Variants in B3GLCT observed in about 807,000 individuals in gnomAD.
B3GLCT encodes beta 3-glucosyltransferase.
A neutral mutation model predicts 63.4 loss-of-function variants in B3GLCT; 65 were observed. That is an observed-to-expected ratio of 1.03 (90% confidence interval 0.84 to 1.26). The LOEUF (loss-of-function observed/expected upper bound fraction) is 1.26, where lower values mean the gene tolerates loss of function less well. B3GLCT is among the 50% of genes most tolerant of loss of function. The pLI, the probability that B3GLCT is intolerant of heterozygous loss-of-function variation, is 0.00. For missense variants in B3GLCT, 577 were observed against 604.8 expected (o/e 0.95, Z 0.48); for synonymous variants, 233 against 219.2 (o/e 1.06, Z -0.55).
intron 12 of B3GLCT, among the ~76,000 whole-genome samples, chr13:31,313,684 A>G (rs2137927620): frequency 1.3e-5 from 2 of 152,218 alleles, no homozygotes; most frequent in South Asian, 4.2e-4. Flanking sequence ...GGAAAGAAAA[A>G]CCCATTTTCT....
chr13:31,277,373 A>C (rs1872846778), intron 10 of B3GLCT, among the ~76,000 whole-genome samples: 1 of 151,580 alleles, frequency 6.6e-6, no homozygotes, highest in Non-Finnish European at 1.5e-5. Context: ...AATTCTGCTA[A>C]GTTGTGACGA....
intron 12 of B3GLCT, 70 bp downstream of exon 12, chr13:31,286,889 T>C (rs890431700): frequency 9.1e-7 from 1 of 1,095,452 alleles, no homozygotes. Flanking sequence ...ACTAGATGGG[T>C]ACTTTTTCTG....
At chr13:31,210,052 AC>A (rs1869178222) in intron 1 of B3GLCT, among the ~76,000 whole-genome samples, 1 of 152,120 alleles carries the variant, frequency 6.6e-6, no homozygotes, top group Admixed American at 6.5e-5. Flanking sequence ...GTTTTCTTGC[AC>A]TCCGGGGCTT....
intron 7 of B3GLCT, among the ~76,000 whole-genome samples, chr13:31,265,457 C>T (rs1438493168): frequency 6.6e-6 from 1 of 152,174 alleles, no homozygotes; most frequent in East Asian, 1.9e-4. Flanking sequence ...GGTAGCGTAA[C>T]AACTTACAGT....
intron 8 of B3GLCT, among the ~76,000 whole-genome samples, chr13:31,269,792 T>C (rs1872502222): frequency 6.6e-6 from 1 of 152,156 alleles, no homozygotes; most frequent in Non-Finnish European, 1.5e-5. Flanking sequence ...TCCTTGCCCT[T>C]TCTGCCATGT....
chr13:31,275,856 G>T (rs940658182), intron 9 of B3GLCT, among the ~76,000 whole-genome samples: 1 of 152,088 alleles, frequency 6.6e-6, no homozygotes, highest in African/African-American at 2.4e-5. Context: ...GTAATTGTTT[G>T]CAGTTCCAGA....
intron 6 of B3GLCT, among the ~76,000 whole-genome samples, chr13:31,259,934 C>A (rs1303462641): frequency 6.6e-6 from 1 of 151,830 alleles, no homozygotes; most frequent in African/African-American, 2.4e-5. Flanking sequence ...GTAATTTCTC[C>A]AGCTTTTAAA....
At chr13:31,272,443 C>T (rs1369143425) in intron 8 of B3GLCT, among the ~76,000 whole-genome samples, 1 of 152,014 alleles carries the variant, frequency 6.6e-6, no homozygotes, top group Non-Finnish European at 1.5e-5. Flanking sequence ...GTCTTGAATT[C>T]CTGACCTTGT....
intron 7 of B3GLCT, among the ~76,000 whole-genome samples, chr13:31,266,426 T>C (rs1872327164): frequency 6.6e-6 from 1 of 152,248 alleles, no homozygotes; most frequent in Admixed American, 6.5e-5. Context: ...AACTGGAATT[T>C]CTGGCTTTCA....
chr13:31,211,590 T>C (rs1246527683), intron 1 of B3GLCT, among the ~76,000 whole-genome samples: 1 of 135,648 alleles, frequency 7.4e-6, no homozygotes, highest in Non-Finnish European at 1.6e-5. Context: ...TTGGTTTGGG[T>C]TTTTTTTTTT....
At chr13:31,265,571 G>A (rs897308544) in intron 7 of B3GLCT, among the ~76,000 whole-genome samples, 18 of 152,108 alleles carry the variant, frequency 1.2e-4, no homozygotes, top group African/African-American at 3.4e-4. Flanking sequence ...ATTTTATTTG[G>A]CCTAACAATT....
intron 4 of B3GLCT, among the ~76,000 whole-genome samples, chr13:31,240,132 C>G (rs920036961): frequency 5.9e-5 from 9 of 151,860 alleles, no homozygotes; most frequent in African/African-American, 2.2e-4. Flanking sequence ...ATACTGCCCC[C>G]CTCTCTAAAA....
chr13:31,276,717 A>G lies in B3GLCT; in HGVS notation c.796A>G (p.Lys266Glu). Residue 266 changes from lysine (K) to glutamate (E), a missense_variant, in exon 10 of 15, where the codon AAG becomes GAG. Transcript: ENST00000343307. ...TTTTTTTTAGAGAAAGCCAGTGAAG[A>G]AGAAGGATATTTTTGTTGCAGTAAA... ...FLPLCRKPVK[K>E]KDIFVAVKTC... The G allele has an allele frequency of 6.2e-7, 1 of 1,612,292 alleles. No homozygotes were observed. Among genetic ancestry groups the G allele is most frequent in the Non-Finnish European group, 8.5e-7 (1 of 1,178,584 alleles).
chr13:31,305,312 A>G (rs1316526212), intron 12 of B3GLCT, among the ~76,000 whole-genome samples: 1 of 115,090 alleles, frequency 8.7e-6, no homozygotes, highest in South Asian at 3.4e-4. Context: ...AGCAGAAGGC[A>G]AGAAATAACT....
At chr13:31,320,893 C>T (rs968635961) in intron 13 of B3GLCT, among the ~76,000 whole-genome samples, 4 of 152,208 alleles carry the variant, frequency 2.6e-5, no homozygotes, top group Non-Finnish European at 4.4e-5. Context: ...TTGGACTCAC[C>T]ATAGCTATCA....
chr13:31,260,665 A>G lies in B3GLCT; in HGVS notation c.460-281A>G, dbSNP rs569539815. Among the ~76,000 whole-genome samples, 3 of 152,330 alleles carry G rather than the reference A, an allele frequency of 2.0e-5. No homozygotes were observed. In the Middle Eastern group the frequency reaches 0.01, roughly 518 times the overall value. On this transcript the variant is annotated intron_variant, in intron 6 of 14. Coordinates refer to ENST00000343307, the MANE Select transcript of B3GLCT (RefSeq NM_194318.4). ...ATAGTCTTTTTATATGGAATATTCT[A>G]TAAAATACAACTTTTATACATTTAT...
chr13:31,255,522 G>A (rs1871694378), intron 6 of B3GLCT, among the ~76,000 whole-genome samples: 2 of 152,174 alleles, frequency 1.3e-5, no homozygotes, highest in Admixed American at 1.3e-4. Flanking sequence ...GAACAAAGCT[G>A]GAGGCATCAT....
chr13:31,258,260 T>G (rs1004289291), intron 6 of B3GLCT, among the ~76,000 whole-genome samples: 3 of 152,206 alleles, frequency 2.0e-5, no homozygotes, highest in African/African-American at 4.8e-5. Flanking sequence ...CTAAACCTCT[T>G]CCGTCTTCAA....
intron 4 of B3GLCT, among the ~76,000 whole-genome samples, chr13:31,233,566 C>G (rs1056085661): frequency 3.3e-5 from 5 of 152,124 alleles, no homozygotes; most frequent in Non-Finnish European, 7.3e-5. Flanking sequence ...TTGAAGCTGA[C>G]CTACATTCTG....
Sources: gnomAD v4.1 joint callset for allele counts (sites outside exome capture counted in the v4.1 genomes callset) on GRCh38, gnomAD v4.1.1 for gene constraint, MANE v1.5 for transcripts, NCBI Gene and HGNC (gene_info 2026-07-23, HGNC 2026-07-21) for gene names.